CHD6: variants seen among roughly 807,000 people sequenced by gnomAD.
CHD6 encodes the protein ATP-dependent chromatin remodeler CHD6.
In CHD6, 50 loss-of-function variants were observed where a neutral mutation model predicts 276.9. The ratio of observed to expected loss-of-function variants is 0.18; its 90% CI spans 0.14 to 0.23. The LOEUF (loss-of-function observed/expected upper bound fraction) is 0.23, where lower values mean the gene tolerates loss of function less well. Among genes scored for constraint, CHD6 ranks in the 10% least tolerant of loss-of-function variants. The probability of loss-of-function intolerance (pLI) is 1.00; values close to 1 mark genes in which losing one functional copy is unlikely to be tolerated. For synonymous variants in CHD6, 1,173 were observed against 1,229.3 expected (o/e 0.95, Z 0.96); for missense variants, 2,564 against 3,365.8 (o/e 0.76, Z 5.89).
At chr20:41,590,965 G>A (rs1313564591) in intron 1 of CHD6, among the ~76,000 whole-genome samples, 2 of 151,422 alleles carry the variant, frequency 1.3e-5, no homozygotes, top group Admixed American at 6.6e-5. Context: ...CAACCCAAAT[G>A]TCCAACAATG....
intron 6 of CHD6, 27 bp downstream of exon 6, chr20:41,499,268 T>A (rs1476923456): frequency 6.4e-7 from 1 of 1,564,272 alleles, no homozygotes; most frequent in Non-Finnish European, 8.7e-7. Flanking sequence ...GCTAATGATA[T>A]AAAAGCTAGA....
chr20:41,599,832 TAGAC>T (rs1288274681), intron 1 of CHD6, among the ~76,000 whole-genome samples: 3 of 152,224 alleles, frequency 2.0e-5, no homozygotes, highest in Admixed American at 1.3e-4. Flanking sequence ...TAGTTGGTAA[TAGAC>T]AGCCTCTCCC....
intron 1 of CHD6, among the ~76,000 whole-genome samples, chr20:41,562,102 T>TACA: frequency 6.6e-6 from 1 of 152,030 alleles, no homozygotes; most frequent in Non-Finnish European, 1.5e-5. Context: ...CTGTCTCATT[T>TACA]ACAACAAAAC....
chr20:41,496,480 A>C (rs910718179), intron 8 of CHD6, among the ~76,000 whole-genome samples: 3 of 152,180 alleles, frequency 2.0e-5, no homozygotes, highest in Admixed American at 6.5e-5. Flanking sequence ...AGTTTCCTCC[A>C]CGTGTGCTTT....
intron 14 of CHD6, among the ~76,000 whole-genome samples, chr20:41,486,376 G>A (rs996499399): frequency 6.6e-6 from 1 of 152,174 alleles, no homozygotes; most frequent in African/African-American, 2.4e-5. Context: ...CAAATTAAGT[G>A]CAATGGGAGA....
intron 1 of CHD6, among the ~76,000 whole-genome samples, chr20:41,579,833 CTCTT>C (rs1226366601): frequency 1.3e-5 from 2 of 152,108 alleles, no homozygotes; most frequent in Non-Finnish European, 2.9e-5. Flanking sequence ...AACAGCTTGC[CTCTT>C]TCTACTTTTC....
chr20:41,462,253 A>G (rs1420138393), intron 17 of CHD6, among the ~76,000 whole-genome samples: 2 of 152,320 alleles, frequency 1.3e-5, no homozygotes, highest in South Asian at 4.1e-4. Context: ...GTATTTCTTT[A>G]ATCATGTTGA....
chr20:41,586,576 G>A (rs979973907), intron 1 of CHD6, among the ~76,000 whole-genome samples: 8 of 152,160 alleles, frequency 5.3e-5, no homozygotes, highest in East Asian at 1.9e-4. Flanking sequence ...TCTTGGGAGC[G>A]GCCCACCACC....
rs3817888 is a variant in CHD6 at position 41,417,181 on chromosome 20, C to T, written c.6279+17G>A. On this transcript the variant is annotated intron_variant, in intron 32 of 36. Transcript: ENST00000373233. ...AATGGTTTGGGGGTAGGGTGGGAAA[C>T]GCAAGCTCTGGGGTACCTTTGGCCA... is the stretch of plus-strand genomic sequence containing the variant. The T allele has an allele frequency of 2.9e-3, 4,620 of 1,601,072 alleles. 198 individuals are homozygous for T. The East Asian group carries it at 0.087, about 30-fold the overall frequency.
rs1421643034 is a variant in CHD6 at position 41,617,937 on chromosome 20, G to C, written c.-24+403C>G. 2.8e-5 allele frequency among the ~76,000 whole-genome samples: 4 copies of C among 145,232 alleles called. No homozygotes were observed. The East Asian group carries it at 6.1e-4, about 22-fold the overall frequency. ...CGCGGCTGGGCCCGGGGGTCCCACC[G>C]CGCCCGCCCCGGGGGGGGCCTCGGC... On this transcript the variant is annotated intron_variant, in intron 1 of 36. Transcript: ENST00000373233.
chr20:41,433,431 GGA>G (rs2047606027), intron 27 of CHD6, among the ~76,000 whole-genome samples: 2 of 152,124 alleles, frequency 1.3e-5, no homozygotes, highest in Admixed American at 6.5e-5. Flanking sequence ...CAGAAACCAT[GGA>G]GGCCAGAAGC....
intron 10 of CHD6, 104 bp downstream of exon 10, chr20:41,493,434 A>T: frequency 8.5e-7 from 1 of 1,169,644 alleles, no homozygotes; most frequent in Non-Finnish European, 1.2e-6. Context: ...AAGGTAAAAT[A>T]CCACAGAAAC....
intron 12 of CHD6, among the ~76,000 whole-genome samples, chr20:41,488,916 T>G (rs750273048): frequency 6.6e-6 from 1 of 152,210 alleles, no homozygotes; most frequent in Non-Finnish European, 1.5e-5. Flanking sequence ...CAGATAGGTG[T>G]TGTTCACAAG....
chr20:41,608,137 C>T (rs2045849323), intron 1 of CHD6, among the ~76,000 whole-genome samples: 1 of 152,100 alleles, frequency 6.6e-6, no homozygotes, highest in Admixed American at 6.6e-5. Flanking sequence ...CCTAATAACC[C>T]TAAGTCATAT....
intron 1 of CHD6, among the ~76,000 whole-genome samples, chr20:41,603,336 C>T (rs944927158): frequency 6.6e-6 from 1 of 151,284 alleles, no homozygotes; most frequent in Non-Finnish European, 1.5e-5. Context: ...AGTGAGACTC[C>T]ATCTCAGAAA....
At chr20:41,618,193 C>G (rs1402077704) in intron 1 of CHD6, 147 bp downstream of exon 1, 2 of 151,792 alleles carry the variant, frequency 1.3e-5, no homozygotes, top group Admixed American at 6.6e-5. Context: ...CCAGCCCGGC[C>G]GGGCCTGGAC....
chr20:41,515,790 G>C (rs1280372470), intron 3 of CHD6, among the ~76,000 whole-genome samples: 2 of 152,170 alleles, frequency 1.3e-5, no homozygotes, highest in Non-Finnish European at 2.9e-5. Flanking sequence ...TCTCTTATCA[G>C]ACTCGAAGTT....
At chr20:41,503,002 C>T (rs1366993150) in intron 5 of CHD6, among the ~76,000 whole-genome samples, 1 of 152,142 alleles carries the variant, frequency 6.6e-6, no homozygotes, top group Non-Finnish European at 1.5e-5. Flanking sequence ...GAGACTCCAT[C>T]TCAAAAACAA....
In CHD6 at chr20:41,421,319, T is replaced by C. The variant is rs751330494; in HGVS notation, c.5316A>G (p.Ala1772=). ...GSLEAGGVAQ[A]NIKNGKHLLM... is the part of the protein sequence containing the mutation. Reference sequence around the variant, plus strand: ...ACAAATGTTTTCCATTTTTGATGTTTGCTTGAGCTACTCCTCCTGCTTCTA... The same window carrying C: ...ACAAATGTTTTCCATTTTTGATGTTCGCTTGAGCTACTCCTCCTGCTTCTA... The change falls in exon 31 of 37, where the codon GCA becomes GCG. Residue 1772 remains alanine (A), a synonymous_variant. Coordinates refer to ENST00000373233, the MANE Select transcript of CHD6 (RefSeq NM_032221.5). 1 of 1,614,220 alleles carries C rather than the reference T, an allele frequency of 6.2e-7. No individual in the cohort carries two copies. The highest frequency in any genetic ancestry group is 1.1e-5 in the South Asian group (1 of 91,086).
Sources: gnomAD v4.1 joint callset for allele counts (sites outside exome capture counted in the v4.1 genomes callset) on GRCh38, gnomAD v4.1.1 for gene constraint, MANE v1.5 for transcripts, NCBI Gene and HGNC (gene_info 2026-07-23, HGNC 2026-07-21) for gene names.